Variants in EMC3 observed in about 807,000 individuals in gnomAD.
EMC3 encodes 30 kDa protein.
EMC3 carries 13 observed loss-of-function variants against 36.6 expected under a neutral mutation model. That is an observed-to-expected ratio of 0.35 (90% CI 0.23 to 0.56). The LOEUF (loss-of-function observed/expected upper bound fraction) is 0.56, where lower values mean the gene tolerates loss of function less well. EMC3 is among the 20% of genes least tolerant of loss of function. The probability of loss-of-function intolerance (pLI) is 0.84; values close to 1 mark genes in which losing one functional copy is unlikely to be tolerated. For synonymous variants in EMC3, 120 were observed against 111.9 expected, an observed-to-expected ratio of 1.07 and a Z score of -0.46; for missense variants, 220 against 324.5, an observed-to-expected ratio of 0.68 and a Z score of 2.47.
intron 5 of EMC3, among the ~76,000 whole-genome samples, chr3:9,971,362 A>C (rs2085783739): frequency 6.6e-6 from 1 of 152,226 alleles, no homozygotes; most frequent in Non-Finnish European, 1.5e-5. Flanking sequence ...ACCTCCATAA[A>C]ATAAATATGC....
At chr3:10,008,978 G>A (rs1406308812) in intron 1 of EMC3, 3 of 155,396 alleles carry the variant, frequency 1.9e-5, no homozygotes, top group Non-Finnish European at 4.3e-5. Flanking sequence ...GACCGGCAGG[G>A]GAAGCGGATG....
chr3:10,003,408 A>C (rs1277413225), intron 1 of EMC3: 2 of 361,166 alleles, frequency 5.5e-6, no homozygotes, highest in East Asian at 1.5e-4. Context: ...GGCTGAAGAC[A>C]AAAATCAAGT....
chr3:10,004,020 G>A (rs1324044810), intron 1 of EMC3: 1 of 152,112 alleles, frequency 6.6e-6, no homozygotes, highest in South Asian at 2.1e-4. Flanking sequence ...ACATGGCCCT[G>A]GAACGTTTCC....
chr3:9,995,199 A>G (rs2124930312), intron 1 of EMC3, among the ~76,000 whole-genome samples: 1 of 152,062 alleles, frequency 6.6e-6, no homozygotes, highest in East Asian at 1.9e-4. Flanking sequence ...CACTGTCATG[A>G]TCCATGTTTG....
chr3:9,992,050 C>G (rs534736982), intron 1 of EMC3, among the ~76,000 whole-genome samples: 1 of 152,160 alleles, frequency 6.6e-6, no homozygotes, highest in African/African-American at 2.4e-5. Flanking sequence ...TGGTTCCTAG[C>G]AGACCACAGA....
At chr3:9,965,463 A>AGATAGAG in intron 7 of EMC3, among the ~76,000 whole-genome samples, 1 of 129,350 alleles carries the variant, frequency 7.7e-6, no homozygotes, top group African/African-American at 3.1e-5. Context: ...GATAGATAGA[A>AGATAGAG]CAAGCTTATT....
chr3:9,982,951 G>T (rs952253688), intron 1 of EMC3, among the ~76,000 whole-genome samples: 1 of 151,942 alleles, frequency 6.6e-6, no homozygotes, highest in Admixed American at 6.6e-5. Flanking sequence ...ACTTAGGCTG[G>T]TTCAGCATGT....
Position 9,970,606 on chromosome 3 carries a change from A to G in EMC3, c.550T>C (p.Ser184Pro). 6.2e-7 allele frequency: 1 copy of G among 1,614,224 alleles called. No individual in the cohort carries two copies. The highest frequency in any genetic ancestry group is 2.2e-5 in the East Asian group (1 of 44,890). ...LNVFGLRSIY[S>P]LILGQDNAAD... is the part of the protein sequence containing the mutation. Reference sequence around the variant, plus strand: ...CCATTATCTTGGCCCAGAATCAGAGAGTAAATGCTCCGAAGCCCAAATACA... The same window carrying G: ...CCATTATCTTGGCCCAGAATCAGAGGGTAAATGCTCCGAAGCCCAAATACA... Residue 184 changes from serine (S) to proline (P), a missense_variant, in exon 6 of 8, where the codon TCT becomes CCT. This residue lies in a region of EMC3 where 56 missense variants were observed against 117.0 expected (regional missense o/e 0.48). Transcript: ENST00000245046.
chr3:10,003,998 C>T (rs1014556168), intron 1 of EMC3: 13 of 152,356 alleles, frequency 8.5e-5, no homozygotes, highest in African/African-American at 2.9e-4. Context: ...CCCTTTGTAG[C>T]ACTTAACCCC....
upstream of EMC3, chr3:9,987,431 G>A (rs138654899): frequency 2.1e-3 from 796 of 376,160 alleles, 8 homozygotes; most frequent in African/African-American, 0.016. Flanking sequence ...ACCTTTCTGC[G>A]TCGTTAAAAT....
intron 1 of EMC3, chr3:10,007,255 A>G (rs147683585): frequency 0.019 from 22,539 of 1,195,944 alleles, 269 homozygotes; most frequent in Non-Finnish European, 0.02. Flanking sequence ...AGTCCCACAC[A>G]TTGTTCATGG....
chr3:9,964,331 A>G, intron 7 of EMC3, 134 bp from the exon 8 acceptor site: 3 of 1,397,580 alleles, frequency 2.1e-6, no homozygotes, highest in Non-Finnish European at 2.8e-6. Flanking sequence ...ATTCAATCCT[A>G]CAAGGGAAAT....
upstream of EMC3, chr3:9,986,865 T>C: frequency 7.3e-7 from 1 of 1,374,018 alleles, no homozygotes; most frequent in Non-Finnish European, 9.4e-7. Flanking sequence ...TGACGTCACG[T>C]CGTGGCGCAC....
upstream of EMC3, among the ~76,000 whole-genome samples, chr3:9,988,949 G>A (rs942683846): frequency 6.6e-6 from 1 of 151,368 alleles, no homozygotes; most frequent in African/African-American, 2.4e-5. Context: ...ACTCACTCTG[G>A]CTATAAAATA....
rs567202955 is a variant in EMC3, at chr3:9,963,537, C to T, written c.*532G>A. 8 of 144,772 alleles carry T rather than the reference C, an allele frequency of 5.5e-5. No homozygotes were observed. Among genetic ancestry groups the T allele is most frequent in the African/African-American group, 1.8e-4 (7 of 38,792 alleles). 9.0% of individuals were successfully genotyped at this position (144,772 alleles called of 1,614,324 possible). On this transcript the variant is annotated 3_prime_UTR_variant, in exon 8 of 8. Coordinates refer to ENST00000245046, the MANE Select transcript of EMC3 (RefSeq NM_001394674.1). Reference sequence around the variant, plus strand: ...TCGCCCAGGCTGGAGCGCAGTGGCACGATGTCAGCTCACTGCATCCTCCGC... The same window carrying T: ...TCGCCCAGGCTGGAGCGCAGTGGCATGATGTCAGCTCACTGCATCCTCCGC...
At chr3:9,987,895 A>G, upstream of EMC3, 2 of 938,302 alleles carry the variant, frequency 2.1e-6, no homozygotes, top group Non-Finnish European at 1.7e-6. Context: ...GCTAATATTA[A>G]CTTTCTGCAG....
rs1451984162 is a variant in EMC3 at position 9,986,813 on chromosome 3, C to T, written c.-152G>A. On this transcript the variant is annotated 5_prime_UTR_variant, in exon 1 of 8. Coordinates refer to ENST00000245046, the MANE Select transcript of EMC3 (RefSeq NM_001394674.1). Reference sequence around the variant, plus strand: ...TGCGACTGTGAGCCGAGCTTACTGCCTTCAGCTGGGCTGCCTGGTCTTCCA... The same window carrying T: ...TGCGACTGTGAGCCGAGCTTACTGCTTTCAGCTGGGCTGCCTGGTCTTCCA... 4 of 1,430,762 alleles carry T rather than the reference C, an allele frequency of 2.8e-6. No homozygotes were observed. Among genetic ancestry groups the T allele is most frequent in the Non-Finnish European group, 3.7e-6 (4 of 1,090,358 alleles). 88.6% of individuals were successfully genotyped at this position (1,430,762 alleles called of 1,614,324 possible).
At chr3:9,981,989 C>T (rs1429181084) in intron 1 of EMC3, among the ~76,000 whole-genome samples, 1 of 151,424 alleles carries the variant, frequency 6.6e-6, no homozygotes, top group African/African-American at 2.4e-5. Flanking sequence ...CTTGCTCTGT[C>T]ACCCAGGCTG....
intron 1 of EMC3, chr3:10,008,186 T>A: frequency 2.8e-6 from 1 of 354,424 alleles, no homozygotes; most frequent in Non-Finnish European, 5.7e-6. Flanking sequence ...GGAAGTGCTG[T>A]CCTGTGAGAG....
Sources: allele counts gnomAD v4.1 joint callset (sites outside exome capture counted in the v4.1 genomes callset), GRCh38; gene constraint gnomAD v4.1.1; regional missense constraint gnomAD v4.1.1; transcripts MANE v1.5; gene names NCBI Gene and HGNC (gene_info 2026-07-23, HGNC 2026-07-21).